The following SASH1 variants were observed in gnomAD, a reference collection of about 807,000 sequenced individuals.
SASH1 encodes SAM and SH3 domain-containing protein 1.
SASH1 carries 44 observed loss-of-function variants against 125.2 expected under a neutral mutation model. That is an observed-to-expected ratio of 0.35 (90% CI 0.28 to 0.45). SASH1 has a LOEUF of 0.45. Ranked by LOEUF, SASH1 falls within the 20% of genes least tolerant of loss-of-function variation. The probability of loss-of-function intolerance (pLI) is 1.00; values close to 1 mark genes in which losing one functional copy is unlikely to be tolerated. For missense variants in SASH1, 1,426 were observed against 1,614.5 expected (o/e 0.88, Z 2.00); for synonymous variants, 639 against 649.1 (o/e 0.98, Z 0.24).
chr6:148,540,159 C>A (rs1479915195), intron 16 of SASH1, among the ~76,000 whole-genome samples: 1 of 152,188 alleles, frequency 6.6e-6, no homozygotes, highest in Non-Finnish European at 1.5e-5. Context: ...CTCCTTTCCT[C>A]ATAGCCCCAA....
At chr6:148,487,201 G>A (rs985272139) in intron 7 of SASH1, among the ~76,000 whole-genome samples, 10 of 148,990 alleles carry the variant, frequency 6.7e-5, no homozygotes, top group African/African-American at 2.0e-4. Context: ...TCCTAAAAAG[G>A]GCATGCATGT....
chr6:148,474,022 C>A (rs1778230132), intron 6 of SASH1, 88 bp from the exon 7 acceptor site: 1 of 842,064 alleles, frequency 1.2e-6, no homozygotes, highest in East Asian at 2.7e-5. Context: ...ACATTCTTCT[C>A]TAGCCCGAGA....
At chr6:148,428,430 G>A (rs544790738) in intron 2 of SASH1, among the ~76,000 whole-genome samples, 11 of 152,022 alleles carry the variant, frequency 7.2e-5, no homozygotes, top group Non-Finnish European at 1.5e-4. Context: ...TTAAGAGTTC[G>A]CGACAGCCTG....
intron 2 of SASH1, among the ~76,000 whole-genome samples, chr6:148,429,261 C>T (rs909532332): frequency 6.6e-6 from 1 of 151,812 alleles, no homozygotes; most frequent in Non-Finnish European, 1.5e-5. Flanking sequence ...TAGCACATAC[C>T]TGTAGTCCCA....
At chr6:148,380,051 A>G (rs1352069219) in intron 1 of SASH1, 1 of 449,806 alleles carries the variant, frequency 2.2e-6, no homozygotes, top group African/African-American at 2.0e-5. Flanking sequence ...TGGCAATAGC[A>G]CCAAGAAACA....
chr6:148,421,130 G>GAAGA (rs1562396218), intron 2 of SASH1, among the ~76,000 whole-genome samples: 18 of 58,132 alleles, frequency 3.1e-4, no homozygotes, highest in East Asian at 8.4e-4. Flanking sequence ...AGGAAGAAAG[G>GAAGA]AAGGAAGGAA....
the SASH1 span, among the ~76,000 whole-genome samples, chr6:148,234,474 C>A: frequency 2.0e-5 from 3 of 151,928 alleles, no homozygotes; most frequent in African/African-American, 7.3e-5. Flanking sequence ...CCTTCCTTTG[C>A]TCAGGGCATA....
intron 2 of SASH1, among the ~76,000 whole-genome samples, chr6:148,429,061 A>G (rs936454569): frequency 6.6e-6 from 1 of 152,242 alleles, no homozygotes; most frequent in Admixed American, 6.5e-5. Context: ...CCTAAAAGTG[A>G]TTAAACATTA....
chr6:148,531,671 G>A lies in SASH1; in HGVS notation c.1564+10G>A, dbSNP rs1431407158. On this transcript the variant is annotated intron_variant, in intron 13 of 19. Coordinates refer to ENST00000367467, the MANE Select transcript of SASH1 (RefSeq NM_015278.5). Reference sequence around the variant, plus strand: ...GGGCAGAGCTCCATGAGTAAGTCGAGTTTGTCATTGTAGATTATTTTCTTT... The same window carrying A: ...GGGCAGAGCTCCATGAGTAAGTCGAATTTGTCATTGTAGATTATTTTCTTT... 6.7e-7 allele frequency: 1 copy of A among 1,495,118 alleles called. No homozygotes were observed. The highest frequency in any genetic ancestry group is 2.5e-5 in the East Asian group (1 of 40,042). 92.6% of individuals were successfully genotyped at this position (1,495,118 alleles called of 1,614,324 possible). A position where few individuals can be genotyped will look rare whatever the true frequency, so the allele number is the denominator to read the frequency against.
chr6:148,422,928 TTTTG>T (rs539105266), intron 2 of SASH1, among the ~76,000 whole-genome samples: 19 of 152,194 alleles, frequency 1.2e-4, no homozygotes, highest in Admixed American at 2.6e-4. Flanking sequence ...GTGTGTGGTT[TTTTG>T]TTTGTTTGTT....
chr6:148,194,673 C>T, the SASH1 span, among the ~76,000 whole-genome samples: 1 of 152,158 alleles, frequency 6.6e-6, no homozygotes, highest in Non-Finnish European at 1.5e-5. Flanking sequence ...TTTGGGAGGC[C>T]AAGGCGGGAG....
chr6:148,405,652 T>C (rs529096847), intron 2 of SASH1, among the ~76,000 whole-genome samples: 1 of 152,258 alleles, frequency 6.6e-6, no homozygotes, highest in African/African-American at 2.4e-5. Context: ...TTCTGGGTCC[T>C]CACTGCCTCT....
At chr6:148,468,250 T>G (rs1777936590) in intron 4 of SASH1, among the ~76,000 whole-genome samples, 1 of 152,232 alleles carries the variant, frequency 6.6e-6, no homozygotes, top group South Asian at 2.1e-4. Context: ...TCACTTGTAT[T>G]AGTAGTTCAC....
intron 8 of SASH1, among the ~76,000 whole-genome samples, chr6:148,507,658 C>G (rs865932047): frequency 6.6e-5 from 10 of 152,210 alleles, no homozygotes; most frequent in African/African-American, 1.7e-4. Context: ...TGTGCCTGGC[C>G]GTTTTTAGTT....
At chr6:148,356,572 C>T (rs1003863358) in intron 1 of SASH1, among the ~76,000 whole-genome samples, 27 of 136,702 alleles carry the variant, frequency 2.0e-4, no homozygotes, top group African/African-American at 6.9e-4. Flanking sequence ...TGGGTTCAAG[C>T]GATTCTCCTG....
upstream of SASH1, among the ~76,000 whole-genome samples, chr6:148,269,296 AT>A (rs147950858): frequency 2.3e-4 from 34 of 150,130 alleles, no homozygotes; most frequent in Admixed American, 1.1e-3. Context: ...GTCTTTTTTA[AT>A]TTTTTTTTTC....
intron 1 of SASH1, among the ~76,000 whole-genome samples, chr6:148,366,228 G>A (rs1259145446): frequency 2.6e-5 from 4 of 152,090 alleles, no homozygotes. Flanking sequence ...TGGCTGCAGT[G>A]AGCTGTGTTC....
chr6:148,504,664 G>A (rs1779701200), intron 8 of SASH1, among the ~76,000 whole-genome samples: 1 of 152,006 alleles, frequency 6.6e-6, no homozygotes, highest in South Asian at 2.1e-4. Flanking sequence ...ACAGGGCTGG[G>A]GAGTCTCAAC....
At chr6:148,506,761 G>A (rs112847833) in intron 8 of SASH1, among the ~76,000 whole-genome samples, 5 of 152,226 alleles carry the variant, frequency 3.3e-5, no homozygotes, top group South Asian at 4.2e-4. Context: ...ATCCTGTAAC[G>A]AAGGAATTTG....
Sources: allele counts gnomAD v4.1 joint callset (sites outside exome capture counted in the v4.1 genomes callset), GRCh38; gene constraint gnomAD v4.1.1; transcripts MANE v1.5; gene names NCBI Gene and HGNC (gene_info 2026-07-23, HGNC 2026-07-21).